The following SAMMSON variants were observed in gnomAD, a reference collection of about 807,000 sequenced individuals.
SAMMSON encodes the protein survival associated mitochondrial melanoma specific oncogenic non-coding RNA.
chr3:70,419,456 T>C (rs2106773461), intron 2 of SAMMSON, among the ~76,000 whole-genome samples: 1 of 152,336 alleles, frequency 6.6e-6, no homozygotes, highest in Admixed American at 6.5e-5. Flanking sequence ...TGTTCCCAAA[T>C]GGTTCCCTTT....
At chr3:70,399,171 C>G (rs376324594) in intron 2 of SAMMSON, among the ~76,000 whole-genome samples, 3 of 152,282 alleles carry the variant, frequency 2.0e-5, no homozygotes, top group African/African-American at 7.2e-5. Context: ...GGTTGGCAAG[C>G]CCACCTACTC....
chr3:70,199,727 T>G (rs184544031), intron 4 of SAMMSON, among the ~76,000 whole-genome samples: 4 of 152,316 alleles, frequency 2.6e-5, no homozygotes, highest in Non-Finnish European at 5.9e-5. Context: ...GATTTCCTCT[T>G]GTCCTGAATG....
At chr3:70,169,652 T>TG (rs1171645464) in intron 4 of SAMMSON, among the ~76,000 whole-genome samples, 1 of 150,676 alleles carries the variant, frequency 6.6e-6, no homozygotes, top group Non-Finnish European at 1.5e-5. Flanking sequence ...TTTCTTTTTT[T>TG]TTTTTTCCTT....
At chr3:70,177,757 C>G (rs1181930608) in intron 4 of SAMMSON, among the ~76,000 whole-genome samples, 1 of 152,126 alleles carries the variant, frequency 6.6e-6, no homozygotes, top group Non-Finnish European at 1.5e-5. Flanking sequence ...AGAAGTTGCA[C>G]CACTGAAAAG....
chr3:70,237,758 G>T lies in SAMMSON; in HGVS notation n.508-11349G>T, dbSNP rs1454452463. 2.0e-5 allele frequency among the ~76,000 whole-genome samples: 3 copies of T among 152,304 alleles called. No homozygotes were observed. In the South Asian group the frequency reaches 6.2e-4, roughly 32 times the overall value. On this transcript the variant is annotated intron_variant and non_coding_transcript_variant, in intron 4 of 9. Coordinates refer to ENST00000642114, the Ensembl canonical transcript of SAMMSON. ...TACCTCAATGGGCTTTGAATAATGT[G>T]CATGTGTTATGATTTGTATGCCGGT...
intron 6 of SAMMSON, among the ~76,000 whole-genome samples, chr3:70,280,412 A>T (rs1320473580): frequency 6.6e-6 from 1 of 152,058 alleles, no homozygotes; most frequent in Non-Finnish European, 1.5e-5. Context: ...TCAACCTACT[A>T]CATTTACCTT....
At chr3:70,147,985 A>T (rs571524169) in intron 4 of SAMMSON, among the ~76,000 whole-genome samples, 1 of 152,250 alleles carries the variant, frequency 6.6e-6, no homozygotes, top group African/African-American at 2.4e-5. Context: ...AAATTTGGAC[A>T]ATTTACCAAT....
intron 4 of SAMMSON, among the ~76,000 whole-genome samples, chr3:70,132,499 C>A (rs1023768617): frequency 4.6e-5 from 7 of 152,114 alleles, no homozygotes; most frequent in Non-Finnish European, 1.0e-4. Context: ...TAGTTGGCAA[C>A]CCCTATCAAC....
Position 70,092,901 on chromosome 3 carries a change from T to TC in SAMMSON, n.507+21336_507+21337insC, listed in dbSNP as rs1458529029. On this transcript the variant is annotated intron_variant and non_coding_transcript_variant, in intron 4 of 9. Transcript: ENST00000642114. ...CTCCGGATGTGTTGTCTAGTGTTTT[T>TC]GTTTTTTTTTTTTTGTTTTTTTTTT... is the stretch of plus-strand genomic sequence containing the variant. Among the ~76,000 whole-genome samples the TC allele has an allele frequency of 3.1e-3, 244 of 77,938 alleles. 4 individuals carry two copies. The highest frequency in any genetic ancestry group is 5.2e-3 in the Non-Finnish European group (178 of 34,196). The allele number at this position is 77,938 out of a possible 152,430, so 51.1% of individuals were successfully genotyped here.
chr3:70,064,915 C>T (rs2107592986), intron 3 of SAMMSON, among the ~76,000 whole-genome samples: 1 of 152,084 alleles, frequency 6.6e-6, no homozygotes, highest in Admixed American at 6.6e-5. Context: ...GATTTGATTG[C>T]TAAAATATCC....
At chr3:70,178,341 A>C (rs1701023915) in intron 4 of SAMMSON, among the ~76,000 whole-genome samples, 1 of 152,194 alleles carries the variant, frequency 6.6e-6, no homozygotes. Flanking sequence ...ATGCCAGCAA[A>C]TCAGCATTTC....
chr3:70,382,747 T>G (rs774512321), intron 9 of SAMMSON, among the ~76,000 whole-genome samples: 8 of 152,160 alleles, frequency 5.3e-5, no homozygotes, highest in Admixed American at 2.0e-4. Context: ...CTGGGATTCT[T>G]AGCTGTAAAG....
intron 7 of SAMMSON, among the ~76,000 whole-genome samples, chr3:70,295,176 G>T (rs1157009534): frequency 1.3e-5 from 2 of 152,164 alleles, no homozygotes; most frequent in African/African-American, 4.8e-5. Context: ...ACTGCCCTGA[G>T]ATGTGTGGAT....
intron 4 of SAMMSON, among the ~76,000 whole-genome samples, chr3:70,187,823 CT>C (rs995244963): frequency 1.3e-5 from 2 of 151,878 alleles, no homozygotes; most frequent in Admixed American, 1.3e-4. Flanking sequence ...CAGTGTGGTG[CT>C]TTTTTTTCTG....
intron 7 of SAMMSON, among the ~76,000 whole-genome samples, chr3:70,333,734 A>G (rs1346296889): frequency 1.3e-5 from 2 of 152,106 alleles, no homozygotes; most frequent in East Asian, 3.9e-4. Context: ...CATTCCTCCA[A>G]CTTGCCTTTA....
At chr3:70,306,285 A>G (rs7426812) in intron 7 of SAMMSON, among the ~76,000 whole-genome samples, 71,421 of 151,694 alleles carry the variant, frequency 0.47, 17,412 homozygotes, top group East Asian at 0.82. Flanking sequence ...GCTAATTTCT[A>G]TATTTTTAGT....
intron 7 of SAMMSON, among the ~76,000 whole-genome samples, chr3:70,314,052 C>G (rs532774554): frequency 9.9e-5 from 15 of 152,264 alleles, no homozygotes; most frequent in Non-Finnish European, 1.6e-4. Flanking sequence ...GCTTCTTCAT[C>G]TCTCTCACCT....
intron 3 of SAMMSON, among the ~76,000 whole-genome samples, chr3:70,045,088 T>TAA (rs1559779767): frequency 2.4e-5 from 1 of 41,218 alleles, no homozygotes; most frequent in African/African-American, 1.2e-4. Flanking sequence ...ATATATATAA[T>TAA]TAATTATAAT....
chr3:70,297,975 A>C (rs1403082), intron 7 of SAMMSON, among the ~76,000 whole-genome samples: 37,805 of 151,978 alleles, frequency 0.25, 4,879 homozygotes, highest in South Asian at 0.33. Context: ...CTACTTAAAT[A>C]ATCAGGGGAG....
Sources: allele counts gnomAD v4.1 joint callset (sites outside exome capture counted in the v4.1 genomes callset), GRCh38; gene constraint gnomAD v4.1.1; transcripts MANE v1.5; gene names NCBI Gene and HGNC (gene_info 2026-07-23, HGNC 2026-07-21).